Variants in SBF2 observed in about 807,000 individuals in gnomAD.
SBF2 encodes SET binding factor 2, also known as myotubularin-related protein 13.
Under a neutral mutation model 225.2 loss-of-function variants are expected in SBF2, and 112 were observed. The observed-to-expected ratio is 0.50, with a 90% CI of 0.43 to 0.58. The LOEUF (loss-of-function observed/expected upper bound fraction) is 0.58. Among genes scored for constraint, SBF2 ranks in the 20% least tolerant of loss-of-function variants. The probability of loss-of-function intolerance (pLI) is 0.00; values close to 1 mark genes in which losing one functional copy is unlikely to be tolerated. For synonymous variants in SBF2, 763 were observed against 773.3 expected, an observed-to-expected ratio of 0.99 and a Z score of 0.22; for missense variants, 1,996 against 2,206.2, an observed-to-expected ratio of 0.90 and a Z score of 1.91.
Position 9,948,643 on chromosome 11 carries a change from T to C in SBF2, c.1860+13314A>G, listed in dbSNP as rs554187923. 5.2e-4 allele frequency among the ~76,000 whole-genome samples: 79 copies of C among 152,294 alleles called. No homozygotes were observed. In the South Asian group the frequency reaches 7.1e-3, roughly 14 times the overall value. Reference sequence around the variant, plus strand: ...ACTAGACATGCTCATTGCTATAGGGTGTCTCTGTTGCCAGACTCTCTCAGA... The same window carrying C: ...ACTAGACATGCTCATTGCTATAGGGCGTCTCTGTTGCCAGACTCTCTCAGA... On this transcript the variant is annotated intron_variant, in intron 16 of 39. Coordinates refer to ENST00000256190, the MANE Select transcript of SBF2 (RefSeq NM_030962.4).
upstream of SBF2, among the ~76,000 whole-genome samples, chr11:10,298,567 T>A (rs1300076563): frequency 6.6e-6 from 1 of 151,932 alleles, no homozygotes; most frequent in Non-Finnish European, 1.5e-5. Flanking sequence ...AGTATGAGAG[T>A]CAGACTTGAG....
intron 2 of SBF2, among the ~76,000 whole-genome samples, chr11:10,129,585 C>T (rs1185228213): frequency 2.0e-5 from 3 of 152,144 alleles, no homozygotes; most frequent in Non-Finnish European, 2.9e-5. Context: ...TGGGAATCAT[C>T]TAACTTCTAA....
chr11:10,255,438 A>T (rs1960785904), intron 1 of SBF2, among the ~76,000 whole-genome samples: 1 of 152,240 alleles, frequency 6.6e-6, no homozygotes, highest in Admixed American at 6.5e-5. Context: ...GGAAATGGTT[A>T]TAAATATTTG....
In SBF2 at chr11:10,108,301, G is replaced by A. The variant is rs77170302; in HGVS notation, c.142-65320C>T. Among the ~76,000 whole-genome samples, 953 of 152,198 alleles carry A rather than the reference G, an allele frequency of 6.3e-3. 15 individuals carry two copies. Among genetic ancestry groups the A allele is most frequent in the East Asian group, 0.026 (134 of 5,156 alleles). On this transcript the variant is annotated intron_variant, in intron 2 of 39. Coordinates refer to ENST00000256190, the MANE Select transcript of SBF2 (RefSeq NM_030962.4). ...AAAGGGAAGACAGGTAAATCAGACA[G>A]TTTACAATTAGTTCCCTGAGCATTG...
chr11:10,257,801 A>G (rs558968774), intron 1 of SBF2, among the ~76,000 whole-genome samples: 1 of 152,078 alleles, frequency 6.6e-6, no homozygotes, highest in East Asian at 1.9e-4. Context: ...ATACGAGACC[A>G]ACCTGGGCAA....
chr11:10,085,470 G>A (rs1951529177), intron 2 of SBF2, among the ~76,000 whole-genome samples: 1 of 151,952 alleles, frequency 6.6e-6, no homozygotes, highest in Admixed American at 6.6e-5. Context: ...TTCAATGACT[G>A]TATTTTTATT....
At chr11:10,205,674 T>G (rs1024213094) in intron 1 of SBF2, among the ~76,000 whole-genome samples, 1 of 151,956 alleles carries the variant, frequency 6.6e-6, no homozygotes, top group Non-Finnish European at 1.5e-5. Flanking sequence ...ACAGTGATAA[T>G]AAGCAGCCAG....
intron 1 of SBF2, among the ~76,000 whole-genome samples, chr11:10,221,155 T>C (rs1958326660): frequency 1.3e-5 from 2 of 151,952 alleles, no homozygotes; most frequent in Non-Finnish European, 2.9e-5. Context: ...ACTCGCTCTG[T>C]TGCCCAGGCT....
intron 1 of SBF2, among the ~76,000 whole-genome samples, chr11:10,255,057 C>G (rs1960749738): frequency 6.6e-6 from 1 of 151,192 alleles, no homozygotes; most frequent in African/African-American, 2.4e-5. Flanking sequence ...CTCACAGAAG[C>G]AGAGGGTGAA....
intron 1 of SBF2, among the ~76,000 whole-genome samples, chr11:10,292,036 A>C (rs572187072): frequency 1.1e-4 from 17 of 152,344 alleles, no homozygotes; most frequent in African/African-American, 4.1e-4. Flanking sequence ...TAAGGTCATG[A>C]AAGTCAGGAG....
intron 1 of SBF2, among the ~76,000 whole-genome samples, chr11:10,256,310 T>C (rs898859339): frequency 6.6e-6 from 1 of 152,222 alleles, no homozygotes; most frequent in African/African-American, 2.4e-5. Context: ...TTCTACTACA[T>C]GATTTCTACT....
chr11:10,007,047 G>C (rs991267739), intron 6 of SBF2, among the ~76,000 whole-genome samples: 1 of 152,152 alleles, frequency 6.6e-6, no homozygotes, highest in Admixed American at 6.5e-5. Context: ...CATTATAACA[G>C]AGATGAAGGC....
At chr11:10,277,747 T>G (rs945012475) in intron 1 of SBF2, among the ~76,000 whole-genome samples, 4 of 152,152 alleles carry the variant, frequency 2.6e-5, no homozygotes, top group Non-Finnish European at 5.9e-5. Context: ...TGCGGCCATG[T>G]GATGACAGAG....
intron 2 of SBF2, among the ~76,000 whole-genome samples, chr11:10,116,597 C>A (rs1336582229): frequency 6.6e-6 from 1 of 152,176 alleles, no homozygotes; most frequent in Non-Finnish European, 1.5e-5. Flanking sequence ...ATATAAACTC[C>A]TACACAACTT....
chr11:9,977,875 T>TA (rs199572563), intron 13 of SBF2, among the ~76,000 whole-genome samples: 5,508 of 152,164 alleles, frequency 0.036, 141 homozygotes, highest in Middle Eastern at 0.12. Context: ...AAAAGCAATA[T>TA]AAAGGAGTGG....
At chr11:9,896,739 A>T (rs1861292210) in intron 16 of SBF2, among the ~76,000 whole-genome samples, 1 of 151,466 alleles carries the variant, frequency 6.6e-6, no homozygotes. Context: ...CAGTGAGCCA[A>T]GATCCCACCA....
At chr11:9,868,496 C>A (rs1445513098) in intron 17 of SBF2, among the ~76,000 whole-genome samples, 1 of 151,076 alleles carries the variant, frequency 6.6e-6, no homozygotes, top group Non-Finnish European at 1.5e-5. Flanking sequence ...CCAGCCTGGG[C>A]AACAGAGTGA....
At chr11:9,978,285 C>T (rs1946789554) in intron 13 of SBF2, among the ~76,000 whole-genome samples, 1 of 152,158 alleles carries the variant, frequency 6.6e-6, no homozygotes, top group Non-Finnish European at 1.5e-5. Flanking sequence ...TCACGGACTT[C>T]AGAATCTTAG....
chr11:10,199,607 A>G (rs1355682322), intron 1 of SBF2, among the ~76,000 whole-genome samples: 1 of 152,242 alleles, frequency 6.6e-6, no homozygotes, highest in Non-Finnish European at 1.5e-5. Flanking sequence ...GTCTGTCTAT[A>G]AAAAGGAGAT....
Sources: allele counts gnomAD v4.1 joint callset (sites outside exome capture counted in the v4.1 genomes callset), GRCh38; gene constraint gnomAD v4.1.1; transcripts MANE v1.5; gene names NCBI Gene and HGNC (gene_info 2026-07-23, HGNC 2026-07-21).